The following LRRIQ3 variants were observed in gnomAD, a reference collection of about 807,000 sequenced individuals.
LRRIQ3 encodes leucine-rich repeat and IQ domain-containing protein 3.
LRRIQ3 carries 75 observed loss-of-function variants against 59.3 expected under a neutral mutation model. That is an observed-to-expected ratio of 1.26 (90% CI 1.05 to 1.53). The LOEUF is 1.53. Ranked by LOEUF, LRRIQ3 falls within the 40% of genes most tolerant of loss-of-function variation. The pLI is 0.00. For synonymous variants in LRRIQ3, 250 were observed against 231.3 expected (o/e 1.08, Z -0.73); for missense variants, 831 against 710.0 (o/e 1.17, Z -1.94).
intron 4 of LRRIQ3, chr1:74,138,653 A>G (rs78181577): frequency 0.022 from 3,913 of 178,380 alleles, 154 homozygotes; most frequent in African/African-American, 0.089. Flanking sequence ...AAACAAGTGG[A>G]TTGAGAAACT....
At chr1:74,184,325 T>C (rs1650213312) in intron 1 of LRRIQ3, among the ~76,000 whole-genome samples, 3 of 152,122 alleles carry the variant, frequency 2.0e-5, no homozygotes, top group African/African-American at 7.2e-5. Context: ...AAATGGTTTT[T>C]AATATAATTT....
chr1:74,033,778 G>A (rs1653789486), intron 7 of LRRIQ3, among the ~76,000 whole-genome samples: 1 of 151,906 alleles, frequency 6.6e-6, no homozygotes. Context: ...TAGTATGGGA[G>A]GTCAATTGAT....
At chr1:74,100,614 A>C (rs1314749909) in intron 5 of LRRIQ3, among the ~76,000 whole-genome samples, 1 of 152,244 alleles carries the variant, frequency 6.6e-6, no homozygotes, top group African/African-American at 2.4e-5. Context: ...ATCCTAAGCC[A>C]AAAGAACAAA....
intron 4 of LRRIQ3, among the ~76,000 whole-genome samples, chr1:74,139,840 AAGAGT>A (rs1194503556): frequency 6.6e-6 from 1 of 151,978 alleles, no homozygotes; most frequent in African/African-American, 2.4e-5. Context: ...GGTCAAGAAG[AAGAGT>A]AAAGGTACTA....
rs149856163 is a variant in LRRIQ3, at chr1:74,129,940, G to C, written c.708-20387C>G. ...TCTGCCTCATGCCCACTTCTACTGT[G>C]GGTGAACATGTATCAAAGTTGCCCC... On this transcript the variant is annotated intron_variant, in intron 4 of 7. Coordinates refer to ENST00000354431, the MANE Select transcript of LRRIQ3 (RefSeq NM_001105659.2). Among the ~76,000 whole-genome samples, 81 of 151,852 alleles carry C rather than the reference G, an allele frequency of 5.3e-4. 2 individuals are homozygous for C. The East Asian group carries it at 0.014, about 27-fold the overall frequency.
At chr1:74,037,703 T>A (rs1256518086) in intron 7 of LRRIQ3, among the ~76,000 whole-genome samples, 2 of 152,108 alleles carry the variant, frequency 1.3e-5, no homozygotes, top group Non-Finnish European at 2.9e-5. Context: ...GCAGCTGGTA[T>A]GACCCATGGA....
chr1:74,162,090 G>A (rs1648694142), intron 3 of LRRIQ3, among the ~76,000 whole-genome samples: 2 of 151,804 alleles, frequency 1.3e-5, no homozygotes, highest in African/African-American at 4.8e-5. Flanking sequence ...TGGAGATAAC[G>A]ATGGTACAAC....
In LRRIQ3 at chr1:74,114,025, T is replaced by TTA. The variant is rs952877602; in HGVS notation, c.708-4474_708-4473dup. Among the ~76,000 whole-genome samples, 9 of 151,628 alleles carry TTA rather than the reference T, an allele frequency of 5.9e-5. No homozygotes were observed. In the South Asian group the frequency reaches 1.0e-3, roughly 17 times the overall value. On this transcript the variant is annotated intron_variant, in intron 4 of 7. Coordinates refer to ENST00000354431, the MANE Select transcript of LRRIQ3 (RefSeq NM_001105659.2). ...ATTGTATCATTTTATGTGTATATTG[T>TTA]TATATATATACACATATATATAATT... is the stretch of plus-strand genomic sequence containing the variant.
At chr1:74,140,988 A>T (rs565896521) in intron 4 of LRRIQ3, among the ~76,000 whole-genome samples, 8 of 151,804 alleles carry the variant, frequency 5.3e-5, no homozygotes, top group African/African-American at 1.7e-4. Flanking sequence ...ACCTCACCCA[A>T]TCAGAATTAA....
chr1:74,156,317 T>C (rs1648325753), intron 3 of LRRIQ3, among the ~76,000 whole-genome samples: 1 of 152,148 alleles, frequency 6.6e-6, no homozygotes, highest in Non-Finnish European at 1.5e-5. Context: ...ACTTCCTATA[T>C]ACCCTATAGA....
At chr1:74,072,047 T>G (rs1477239658) in intron 6 of LRRIQ3, among the ~76,000 whole-genome samples, 1 of 152,116 alleles carries the variant, frequency 6.6e-6, no homozygotes, top group Admixed American at 6.6e-5. Context: ...TTATTTTCAT[T>G]TAAAAATTAA....
chr1:74,191,120 AT>A (rs1182723867), intron 1 of LRRIQ3, among the ~76,000 whole-genome samples: 1 of 152,160 alleles, frequency 6.6e-6, no homozygotes, highest in African/African-American at 2.4e-5. Flanking sequence ...GCTCTACAAA[AT>A]TAATTGAATG....
At chr1:74,048,551 A>T (rs1170963940) in intron 6 of LRRIQ3, among the ~76,000 whole-genome samples, 4 of 152,152 alleles carry the variant, frequency 2.6e-5, no homozygotes, top group Non-Finnish European at 5.9e-5. Context: ...TTCATTCACC[A>T]ATTAATTCAT....
chr1:74,155,873 A>T lies in LRRIQ3; in HGVS notation c.574-7T>A, dbSNP rs2100668289. On this transcript the variant is annotated splice_region_variant and splice_polypyrimidine_tract_variant and intron_variant, in intron 3 of 7. Transcript: ENST00000354431. Reference sequence around the variant, plus strand: ...CCTCTTCATAGGTTGTTCCCTGTATAAAGAAAATATAATTAATAATTTTTA... The same window carrying T: ...CCTCTTCATAGGTTGTTCCCTGTATTAAGAAAATATAATTAATAATTTTTA... 7.8e-7 allele frequency: 1 copy of T among 1,276,156 alleles called. No individual in the cohort carries two copies. The highest frequency in any genetic ancestry group is 2.7e-5 in the East Asian group (1 of 36,434). The allele number at this position is 1,276,156 out of a possible 1,614,324, so 79.1% of individuals were successfully genotyped here.
At chr1:74,129,280 G>A (rs893550885) in intron 4 of LRRIQ3, among the ~76,000 whole-genome samples, 1 of 151,936 alleles carries the variant, frequency 6.6e-6, no homozygotes, top group African/African-American at 2.4e-5. Context: ...GAATCTACCT[G>A]TCACCCAAGC....
intron 3 of LRRIQ3, among the ~76,000 whole-genome samples, chr1:74,158,598 G>A (rs1648483500): frequency 6.6e-6 from 1 of 152,034 alleles, no homozygotes; most frequent in Non-Finnish European, 1.5e-5. Flanking sequence ...ATTATCCTGT[G>A]TCGTGTGAAA....
chr1:74,103,204 C>A (rs767670616), intron 5 of LRRIQ3, among the ~76,000 whole-genome samples: 2 of 151,940 alleles, frequency 1.3e-5, no homozygotes, highest in Admixed American at 6.6e-5. Context: ...TCCCTCATTT[C>A]CATTCTTTAT....
intron 6 of LRRIQ3, among the ~76,000 whole-genome samples, chr1:74,074,076 A>T (rs1050538931): frequency 1.3e-5 from 2 of 152,154 alleles, no homozygotes; most frequent in African/African-American, 4.8e-5. Context: ...TACTTGACAG[A>T]TTTCCTGAAG....
intron 4 of LRRIQ3, among the ~76,000 whole-genome samples, chr1:74,131,366 C>G (rs1647017040): frequency 6.6e-6 from 1 of 152,190 alleles, no homozygotes; most frequent in African/African-American, 2.4e-5. Context: ...TCCTCCCTAA[C>G]TCATCCTATG....
Sources: gnomAD v4.1 joint callset for allele counts (sites outside exome capture counted in the v4.1 genomes callset) on GRCh38, gnomAD v4.1.1 for gene constraint, MANE v1.5 for transcripts, NCBI Gene and HGNC (gene_info 2026-07-23, HGNC 2026-07-21) for gene names.